The following NPAS2 variants were observed in gnomAD, a reference collection of about 807,000 sequenced individuals.
NPAS2 encodes the protein neuronal PAS domain-containing protein 2.
In NPAS2, 23 loss-of-function variants were observed where a neutral mutation model predicts 107.5. That is an observed-to-expected ratio of 0.21 (90% CI 0.15 to 0.30). NPAS2 has a LOEUF of 0.30. Among genes scored for constraint, NPAS2 ranks in the 10% least tolerant of loss-of-function variants. The pLI is 1.00. For missense variants in NPAS2, 756 were observed against 1,043.3 expected, an observed-to-expected ratio of 0.72 and a Z score of 3.79; for synonymous variants, 403 against 417.5, an observed-to-expected ratio of 0.97 and a Z score of 0.42.
chr2:100,917,970 C>A lies in NPAS2; in HGVS notation c.33-7176C>A, dbSNP rs183261441. On this transcript the variant is annotated intron_variant, in intron 2 of 20. Transcript: ENST00000335681. ...TTATGAGACCAGCATTACCCAAAGA[C>A]AGTATGAGAAAGGAAATCTACAGAA... Among the ~76,000 whole-genome samples, 88 of 152,090 alleles carry A rather than the reference C, an allele frequency of 5.8e-4. 1 individual carries two copies. The highest frequency in any genetic ancestry group is 2.3e-3 in the East Asian group (12 of 5,176).
chr2:100,924,563 G>A (rs550973806), intron 2 of NPAS2, among the ~76,000 whole-genome samples: 2 of 152,330 alleles, frequency 1.3e-5, no homozygotes, highest in South Asian at 2.1e-4. Context: ...TCTGCTCTTA[G>A]CAGCTTGACA....
intron 4 of NPAS2, among the ~76,000 whole-genome samples, chr2:100,935,344 G>A (rs989242197): frequency 6.6e-5 from 10 of 152,284 alleles, no homozygotes; most frequent in South Asian, 4.2e-4. Flanking sequence ...GGAAGGTTTC[G>A]TTTCCCTCTA....
chr2:100,973,681 G>A (rs952407351), intron 12 of NPAS2, among the ~76,000 whole-genome samples: 36 of 152,130 alleles, frequency 2.4e-4, no homozygotes, highest in African/African-American at 7.2e-4. Context: ...CGCACGCATG[G>A]GATTTCATAC....
At chr2:100,848,961 A>T (rs528785389) in intron 1 of NPAS2, among the ~76,000 whole-genome samples, 23 of 152,370 alleles carry the variant, frequency 1.5e-4, no homozygotes, top group African/African-American at 5.3e-4. Flanking sequence ...CCAGGAGGAC[A>T]GCCAGCACAC....
chr2:100,900,315 C>T (rs537096302), intron 1 of NPAS2, among the ~76,000 whole-genome samples: 2 of 152,220 alleles, frequency 1.3e-5, no homozygotes, highest in Middle Eastern at 6.8e-3. Context: ...AAGAAGATAT[C>T]TAAATAGCCA....
intron 1 of NPAS2, among the ~76,000 whole-genome samples, chr2:100,866,159 G>A (rs1450541961): frequency 1.3e-5 from 2 of 152,210 alleles, no homozygotes; most frequent in Non-Finnish European, 2.9e-5. Context: ...AGTGGAGTGA[G>A]CACTGTGGCA....
At chr2:100,987,800 C>A in intron 16 of NPAS2, 1 of 471,172 alleles carries the variant, frequency 2.1e-6, no homozygotes, top group Non-Finnish European at 3.8e-6. Flanking sequence ...TAGAGAACAT[C>A]TGGGTCTAAA....
intron 2 of NPAS2, among the ~76,000 whole-genome samples, chr2:100,919,644 A>G (rs1336412668): frequency 6.6e-6 from 1 of 151,956 alleles, no homozygotes; most frequent in Non-Finnish European, 1.5e-5. Flanking sequence ...ACTCATCCAA[A>G]AGCTCAGACC....
chr2:100,897,681 A>C (rs1291483267), intron 1 of NPAS2, among the ~76,000 whole-genome samples: 1 of 152,132 alleles, frequency 6.6e-6, no homozygotes, highest in African/African-American at 2.4e-5. Context: ...AGACTCCCCG[A>C]ACCCCGTCCC....
intron 5 of NPAS2, 59 bp downstream of exon 5, chr2:100,937,901 C>A: frequency 7.8e-7 from 1 of 1,283,040 alleles, no homozygotes; most frequent in South Asian, 1.2e-5. Context: ...TGTTGAGAAT[C>A]ATTAGATCTC....
chr2:100,901,453 G>C (rs994454686), intron 1 of NPAS2: 8 of 886,444 alleles, frequency 9.0e-6, no homozygotes, highest in Admixed American at 1.2e-4. Context: ...CGGAGAGTTT[G>C]TGTTCTAGGA....
chr2:100,901,267 A>T (rs1681751910), intron 1 of NPAS2, among the ~76,000 whole-genome samples: 1 of 152,106 alleles, frequency 6.6e-6, no homozygotes, highest in African/African-American at 2.4e-5. Context: ...TATAATCAAT[A>T]CGGTTGTCAC....
chr2:100,837,330 T>C (rs1207066959), intron 1 of NPAS2, among the ~76,000 whole-genome samples: 1 of 152,198 alleles, frequency 6.6e-6, no homozygotes, highest in Non-Finnish European at 1.5e-5. Context: ...TTTTTTGAGA[T>C]GAATTTTTGC....
At chr2:100,986,488 G>C (rs532617342) in intron 16 of NPAS2, 2 of 152,408 alleles carry the variant, frequency 1.3e-5, no homozygotes, top group East Asian at 3.9e-4. Context: ...GTCAGATGCT[G>C]GGAGCCAGAG....
chr2:100,844,653 C>T (rs775275488), intron 1 of NPAS2, among the ~76,000 whole-genome samples: 3 of 152,018 alleles, frequency 2.0e-5, no homozygotes, highest in South Asian at 2.1e-4. Context: ...TATAGGGGAA[C>T]GTTTGGTTGT....
At chr2:100,869,397 T>G (rs1347245693) in intron 1 of NPAS2, among the ~76,000 whole-genome samples, 2 of 152,228 alleles carry the variant, frequency 1.3e-5, no homozygotes, top group East Asian at 3.8e-4. Flanking sequence ...TGGAACTTGA[T>G]CTGTGAGAAT....
intron 1 of NPAS2, among the ~76,000 whole-genome samples, chr2:100,853,971 C>T (rs1181232441): frequency 8.3e-5 from 6 of 72,662 alleles, no homozygotes; most frequent in African/African-American, 2.1e-4. Flanking sequence ...CTTCAGCCCA[C>T]GACAAAAAAA....
chr2:100,956,274 G>T (rs958350910), intron 7 of NPAS2, among the ~76,000 whole-genome samples: 1 of 152,106 alleles, frequency 6.6e-6, no homozygotes, highest in Non-Finnish European at 1.5e-5. Context: ...TGACGCTGAG[G>T]TTTGCAGTAC....
chr2:100,944,305 G>A (rs1674757132), intron 5 of NPAS2, among the ~76,000 whole-genome samples: 1 of 152,164 alleles, frequency 6.6e-6, no homozygotes, highest in African/African-American at 2.4e-5. Flanking sequence ...CACTCTGGGA[G>A]GAAGTGTCCA....
Sources: gnomAD v4.1 joint callset for allele counts (sites outside exome capture counted in the v4.1 genomes callset) on GRCh38, gnomAD v4.1.1 for gene constraint, MANE v1.5 for transcripts, NCBI Gene and HGNC (gene_info 2026-07-23, HGNC 2026-07-21) for gene names.